The following CNTNAP2 variants were observed in gnomAD, a reference collection of about 807,000 sequenced individuals.
CNTNAP2 encodes the protein contactin associated protein 2, also known as contactin-associated protein-like 2.
CNTNAP2 carries 98 observed loss-of-function variants against 155.2 expected under a neutral mutation model. The observed-to-expected ratio is 0.63, with a 90% CI of 0.54 to 0.75. The LOEUF (loss-of-function observed/expected upper bound fraction) is 0.75, where lower values mean the gene tolerates loss of function less well. Among genes scored for constraint, CNTNAP2 ranks in the 30% least tolerant of loss-of-function variants. The pLI is 0.00. For missense variants in CNTNAP2, 1,727 were observed against 1,688.1 expected, an observed-to-expected ratio of 1.02 and a Z score of -0.40; for synonymous variants, 651 against 631.2, an observed-to-expected ratio of 1.03 and a Z score of -0.47.
chr7:147,796,977 A>G (rs1584959707), intron 13 of CNTNAP2, among the ~76,000 whole-genome samples: 1 of 152,278 alleles, frequency 6.6e-6, no homozygotes, highest in East Asian at 1.9e-4. Flanking sequence ...AATGATCAAG[A>G]TCGTGGAGAT....
intron 11 of CNTNAP2, among the ~76,000 whole-genome samples, chr7:147,541,511 C>T (rs962521590): frequency 3.9e-5 from 6 of 152,114 alleles, no homozygotes; most frequent in South Asian, 2.1e-4. Context: ...ACATGCTCTC[C>T]GAGGTCTTCT....
intron 4 of CNTNAP2, among the ~76,000 whole-genome samples, chr7:147,062,083 G>A (rs368486000): frequency 0.045 from 5,332 of 118,854 alleles, 2 homozygotes; most frequent in African/African-American, 0.15. Context: ...AGCCGAGATC[G>A]CACCACTGCA....
At chr7:148,234,273 G>A (rs1796012239) in intron 20 of CNTNAP2, among the ~76,000 whole-genome samples, 1 of 152,200 alleles carries the variant, frequency 6.6e-6, no homozygotes. Context: ...TCTTAACCTT[G>A]CTTAATAGAC....
At chr7:146,537,284 T>TA (rs528260313) in intron 1 of CNTNAP2, among the ~76,000 whole-genome samples, 2 of 152,026 alleles carry the variant, frequency 1.3e-5, no homozygotes, top group Non-Finnish European at 2.9e-5. Context: ...AATGTTAAAT[T>TA]AAAAAAAGTT....
At chr7:146,370,950 T>A (rs1795225311) in intron 1 of CNTNAP2, among the ~76,000 whole-genome samples, 1 of 152,182 alleles carries the variant, frequency 6.6e-6, no homozygotes, top group Non-Finnish European at 1.5e-5. Context: ...TACTATAAAT[T>A]GTATTTCCTT....
intron 8 of CNTNAP2, among the ~76,000 whole-genome samples, chr7:147,289,737 T>A (rs1159449542): frequency 6.6e-6 from 1 of 152,174 alleles, no homozygotes; most frequent in African/African-American, 2.4e-5. Flanking sequence ...GAACATTTAG[T>A]CTTGGGGTAG....
intron 22 of CNTNAP2, among the ~76,000 whole-genome samples, chr7:148,402,125 C>T (rs1389732679): frequency 3.3e-5 from 5 of 152,156 alleles, no homozygotes; most frequent in East Asian, 3.9e-4. Context: ...TAGCCGATGA[C>T]GACAAATTTG....
intron 18 of CNTNAP2, among the ~76,000 whole-genome samples, chr7:148,195,433 A>C (rs1159912076): frequency 3.9e-5 from 6 of 152,214 alleles, no homozygotes; most frequent in African/African-American, 1.4e-4. Flanking sequence ...AATATTGGTG[A>C]AAGTTATTTT....
At chr7:147,499,812 A>G (rs1173917191) in intron 11 of CNTNAP2, among the ~76,000 whole-genome samples, 1 of 152,146 alleles carries the variant, frequency 6.6e-6, no homozygotes, top group African/African-American at 2.4e-5. Flanking sequence ...GTTACTTGCA[A>G]ACAGAGACAA....
At chr7:147,251,793 G>C (rs1394016751) in intron 8 of CNTNAP2, among the ~76,000 whole-genome samples, 5 of 152,128 alleles carry the variant, frequency 3.3e-5, no homozygotes, top group African/African-American at 1.2e-4. Context: ...AACTATTTCT[G>C]CCCATAGTAG....
intron 13 of CNTNAP2, among the ~76,000 whole-genome samples, chr7:147,783,200 A>G (rs964228901): frequency 6.6e-6 from 1 of 152,220 alleles, no homozygotes; most frequent in African/African-American, 2.4e-5. Context: ...TGTTTTAGGT[A>G]AGTTGGGAAT....
At chr7:147,800,002 G>C (rs1797958447) in intron 13 of CNTNAP2, among the ~76,000 whole-genome samples, 1 of 152,154 alleles carries the variant, frequency 6.6e-6, no homozygotes, top group African/African-American at 2.4e-5. Flanking sequence ...TTGTGGATGA[G>C]TACAAAAGAA....
chr7:148,031,905 G>C (rs1043035776), intron 15 of CNTNAP2, among the ~76,000 whole-genome samples: 1 of 152,076 alleles, frequency 6.6e-6, no homozygotes, highest in African/African-American at 2.4e-5. Flanking sequence ...ATTCCCTAAG[G>C]CTATGTCACT....
chr7:147,956,009 A>G (rs562945460), intron 14 of CNTNAP2, among the ~76,000 whole-genome samples: 11 of 152,300 alleles, frequency 7.2e-5, no homozygotes, highest in African/African-American at 2.4e-4. Context: ...TCACAGTTGC[A>G]CACTGCAAAT....
intron 2 of CNTNAP2, among the ~76,000 whole-genome samples, chr7:146,833,422 G>A (rs759698926): frequency 1.3e-5 from 2 of 151,648 alleles, no homozygotes; most frequent in Admixed American, 6.6e-5. Context: ...TGTTTTTTGT[G>A]CTTTATCATT....
chr7:146,994,514 C>T (rs139298424), intron 3 of CNTNAP2, among the ~76,000 whole-genome samples: 69 of 152,164 alleles, frequency 4.5e-4, no homozygotes, highest in African/African-American at 1.6e-3. Flanking sequence ...AATAGAAATA[C>T]ACTTTGCAGC....
At chr7:146,334,247 C>A (rs987939043) in intron 1 of CNTNAP2, among the ~76,000 whole-genome samples, 2 of 151,984 alleles carry the variant, frequency 1.3e-5, no homozygotes, top group East Asian at 1.9e-4. Flanking sequence ...CTGGCTAACA[C>A]GGTGAAACCC....
At chr7:146,295,131 T>C (rs1050678911) in intron 1 of CNTNAP2, among the ~76,000 whole-genome samples, 1 of 152,164 alleles carries the variant, frequency 6.6e-6, no homozygotes, top group Non-Finnish European at 1.5e-5. Flanking sequence ...TAGTCAGTCA[T>C]AGTCACTACA....
At chr7:146,569,645 C>T (rs1798411683) in intron 1 of CNTNAP2, among the ~76,000 whole-genome samples, 5 of 152,134 alleles carry the variant, frequency 3.3e-5, no homozygotes, top group Admixed American at 3.3e-4. Context: ...AACTGAGTTG[C>T]TCCAGGTAGG....
Sources: gnomAD v4.1 joint callset for allele counts (sites outside exome capture counted in the v4.1 genomes callset) on GRCh38, gnomAD v4.1.1 for gene constraint, MANE v1.5 for transcripts, NCBI Gene and HGNC (gene_info 2026-07-23, HGNC 2026-07-21) for gene names.